Variants in DYNC2H1 observed in about 807,000 individuals in gnomAD.
DYNC2H1 encodes the protein cytoplasmic dynein 2 heavy chain 1.
A neutral mutation model predicts 570.0 loss-of-function variants in DYNC2H1; 410 were observed. The ratio of observed to expected loss-of-function variants is 0.72; its 90% CI spans 0.66 to 0.78. The LOEUF (loss-of-function observed/expected upper bound fraction) is 0.78, where lower values mean the gene tolerates loss of function less well. Ranked by LOEUF, DYNC2H1 falls within the 30% of genes least tolerant of loss-of-function variation. The pLI, the probability that DYNC2H1 is intolerant of heterozygous loss-of-function variation, is 0.00. For synonymous variants in DYNC2H1, 1,688 were observed against 1,677.6 expected (o/e 1.01, Z -0.15); for missense variants, 4,865 against 5,046.4 (o/e 0.96, Z 1.09).
chr11:103,306,369 G>A (rs929989766), intron 77 of DYNC2H1, among the ~76,000 whole-genome samples: 10 of 152,064 alleles, frequency 6.6e-5, no homozygotes, highest in African/African-American at 1.7e-4. Flanking sequence ...CGTAGAAACA[G>A]TACATAATAT....
chr11:103,282,886 A>T, intron 72 of DYNC2H1, 122 bp from the exon 73 acceptor site: 1 of 689,768 alleles, frequency 1.4e-6, no homozygotes, highest in Non-Finnish European at 2.4e-6. Flanking sequence ...ATACATAAAA[A>T]TATAAAGAAA....
At chr11:103,193,719 T>C (rs896752116) in intron 47 of DYNC2H1, among the ~76,000 whole-genome samples, 25 of 149,904 alleles carry the variant, frequency 1.7e-4, no homozygotes, top group Admixed American at 2.7e-4. Context: ...AATTTTGTAT[T>C]TTTTTTTTAG....
chr11:103,154,898 A>T (rs1214799834), intron 24 of DYNC2H1, 89 bp downstream of exon 24: 1 of 928,804 alleles, frequency 1.1e-6, no homozygotes, highest in Admixed American at 3.7e-5. Context: ...TTTACTTTAT[A>T]TGTTTTTCAA....
chr11:103,135,677 T>A, intron 16 of DYNC2H1, 43 bp downstream of exon 16: 2 of 1,606,786 alleles, frequency 1.2e-6, no homozygotes, highest in Non-Finnish European at 1.7e-6. Context: ...CATTGTATAA[T>A]TTTCTAACAA....
In DYNC2H1 at chr11:103,198,056, T is replaced by C; in HGVS notation, c.7832T>C (p.Ile2611Thr). 6.4e-7 allele frequency: 1 copy of C among 1,551,920 alleles called. No homozygotes were observed. Among genetic ancestry groups the C allele is most frequent in the Non-Finnish European group, 8.7e-7 (1 of 1,146,898 alleles). Residue 2611 changes from isoleucine to threonine, a missense_variant, in exon 48 of 89, where the codon ATT becomes ACT. Coordinates refer to ENST00000375735, the MANE Select transcript of DYNC2H1 (RefSeq NM_001377.3). ...AACTCTACTGATCTCAAGGATGTTATTAAAAAGGTATAATATGAATCATTA... is the reference window on the plus strand; with the variant it reads ...AACTCTACTGATCTCAAGGATGTTACTAAAAAGGTATAATATGAATCATTA... ...KLNSTDLKDV[I>T]KKGLIHYGRD...
chr11:103,280,051 A>C lies in DYNC2H1; in HGVS notation c.10696-297A>C, dbSNP rs189472506. ...TGATGACTAATCAAATTTCACAACT[A>C]TATTAATGTTTCACCTGGCTAAGTT... On this transcript the variant is annotated intron_variant, in intron 70 of 88. Transcript: ENST00000375735. The surrounding 1 kb of genome is among the most constrained non-coding windows in gnomAD (Gnocchi z 4.7). Among the ~76,000 whole-genome samples, 19 of 152,262 alleles carry C rather than the reference A, an allele frequency of 1.2e-4. No individual in the cohort carries two copies. Among genetic ancestry groups the C allele is most frequent in the African/African-American group, 4.6e-4 (19 of 41,570 alleles).
intron 73 of DYNC2H1, among the ~76,000 whole-genome samples, chr11:103,284,812 G>T (rs574202613): frequency 3.1e-4 from 47 of 152,200 alleles, no homozygotes; most frequent in African/African-American, 1.1e-3. Context: ...TGAAGATATA[G>T]ATCTTCTAAA....
intron 75 of DYNC2H1, 105 bp downstream of exon 75, chr11:103,287,710 CTT>C: frequency 7.8e-6 from 7 of 894,378 alleles, no homozygotes; most frequent in Non-Finnish European, 1.2e-5. Flanking sequence ...TATAATGTCT[CTT>C]TTATTCATTC....
intron 84 of DYNC2H1, chr11:103,405,969 C>T (rs1018733579): frequency 7.9e-5 from 12 of 151,976 alleles, no homozygotes; most frequent in Admixed American, 2.6e-4. Flanking sequence ...AGCTTCAATC[C>T]GCCTTTCCCC....
chr11:103,455,651 AC>A (rs1944762350), intron 86 of DYNC2H1, among the ~76,000 whole-genome samples: 1 of 152,186 alleles, frequency 6.6e-6, no homozygotes, highest in South Asian at 2.1e-4. Context: ...AACTCTAACC[AC>A]ATTTAAAGTG....
rs1867606511 is a variant in DYNC2H1 at position 103,311,912 on chromosome 11, C to T, written c.11528C>T (p.Thr3843Ile). The change falls in exon 79 of 89, where the codon ACT becomes ATT. Residue 3843 changes from threonine (T) to isoleucine (I), a missense_variant. Thr to Ile is a moderately conservative substitution (Grantham distance 89). Around this residue, in one of 5 missense-constraint regions of DYNC2H1, gnomAD observed 2,401 missense variants for 2,454.6 expected, o/e 0.98. Transcript: ENST00000375735. Reference protein sequence around the residue: ...PPGLKKNLMRTYESWTPEQIS... With the variant: ...PPGLKKNLMRIYESWTPEQIS... Reference sequence around the variant, plus strand: ...GGTTTAAAGAAGAATTTAATGCGTACTTATGAGTCTTGGACTCCTGAGCAA... The same window carrying T: ...GGTTTAAAGAAGAATTTAATGCGTATTTATGAGTCTTGGACTCCTGAGCAA... The T allele has an allele frequency of 1.2e-6, 2 of 1,612,398 alleles. 1 individual carries two copies. Among genetic ancestry groups the T allele is most frequent in the African/African-American group, 2.7e-5 (2 of 74,944 alleles).
rs1201345180 is a variant in DYNC2H1 at position 103,289,185 on chromosome 11, C to T, written c.11095+1580C>T. 6.6e-6 allele frequency among the ~76,000 whole-genome samples: 1 copy of T among 152,174 alleles called. No individual in the cohort carries two copies. Among genetic ancestry groups the T allele is most frequent in the African/African-American group, 2.4e-5 (1 of 41,444 alleles). ...ATCAGCACTCCCCACTTCCTAAGCC[C>T]CTACTCACCAAATCGTCTTTAAAAA... On this transcript the variant is annotated intron_variant, in intron 75 of 88. Transcript: ENST00000375735. The surrounding 1 kb of genome is among the most constrained non-coding windows in gnomAD (Gnocchi z 4.2).
intron 84 of DYNC2H1, among the ~76,000 whole-genome samples, chr11:103,408,779 A>G (rs1161169401): frequency 1.3e-5 from 2 of 152,154 alleles, no homozygotes; most frequent in East Asian, 3.9e-4. Context: ...GGGTCAATAT[A>G]TGTTAACTCG....
chr11:103,313,086 T>C (rs1591562251), intron 79 of DYNC2H1, among the ~76,000 whole-genome samples: 2 of 152,216 alleles, frequency 1.3e-5, no homozygotes, highest in African/African-American at 4.8e-5. Context: ...AGAATTATCT[T>C]TCTAATATCT....
chr11:103,239,559 G>C lies in DYNC2H1; in HGVS notation c.9819+3020G>C, dbSNP rs1418129915. On this transcript the variant is annotated intron_variant, in intron 63 of 88. Transcript: ENST00000375735. The surrounding 1 kb of genome is among the most constrained non-coding windows in gnomAD (Gnocchi z 4.3). ...GAGGCACAGAAGAGTTAATTCACTT[G>C]TCTAAGGTCACATGGCTATCAAGTG... Among the ~76,000 whole-genome samples, 1 of 151,844 alleles carries C rather than the reference G, an allele frequency of 6.6e-6. No individual in the cohort carries two copies. Among genetic ancestry groups the C allele is most frequent in the Non-Finnish European group, 1.5e-5 (1 of 67,972 alleles).
chr11:103,399,947 G>A, intron 84 of DYNC2H1, 75 bp downstream of exon 84: 1 of 1,276,268 alleles, frequency 7.8e-7, no homozygotes. Flanking sequence ...ATATTTGTCA[G>A]GAATCATATA....
In DYNC2H1 at chr11:103,192,238, G is replaced by A; in HGVS notation, c.7682G>A (p.Gly2561Asp). 1 of 1,576,462 alleles carries A rather than the reference G, an allele frequency of 6.3e-7. No individual in the cohort carries two copies. The highest frequency in any genetic ancestry group is 8.6e-7 in the Non-Finnish European group (1 of 1,156,230). Residue 2561 changes from glycine to aspartate, a missense_variant, in exon 47 of 89, where the codon GGC becomes GAC. Physicochemically the swap from Gly to Asp is moderately conservative, Grantham distance 94. Coordinates refer to ENST00000375735, the MANE Select transcript of DYNC2H1 (RefSeq NM_001377.3). ...ILTSVFQGDW[G>D]SDILDNMSDS... Reference sequence around the variant, plus strand: ...ACATCAGTGTTTCAAGGAGATTGGGGCTCAGACATATTAGACAATATGTCA... The same window carrying A: ...ACATCAGTGTTTCAAGGAGATTGGGACTCAGACATATTAGACAATATGTCA...
At chr11:103,399,608 A>G (rs1342485886) in intron 83 of DYNC2H1, 55 bp from the exon 84 acceptor site, 7 of 1,254,546 alleles carry the variant, frequency 5.6e-6, no homozygotes, top group South Asian at 1.4e-5. Context: ...AAAGCGTTTT[A>G]TATATCAGTG....
intron 82 of DYNC2H1, among the ~76,000 whole-genome samples, chr11:103,356,474 A>C (rs937325383): frequency 1.6e-4 from 25 of 151,984 alleles, no homozygotes; most frequent in Non-Finnish European, 7.4e-5. Flanking sequence ...CATGCACAAA[A>C]AAATTTGCAC....
Sources: allele counts gnomAD v4.1 joint callset (sites outside exome capture counted in the v4.1 genomes callset), GRCh38; gene constraint gnomAD v4.1.1; regional missense constraint gnomAD v4.1.1; non-coding constraint Gnocchi (gnomAD v3.1); transcripts MANE v1.5; gene names NCBI Gene and HGNC (gene_info 2026-07-23, HGNC 2026-07-21).